Variants in TNC observed in about 807,000 individuals in gnomAD.
TNC encodes the protein tenascin.
TNC carries 109 observed loss-of-function variants against 202.4 expected under a neutral mutation model. The ratio of observed to expected loss-of-function variants is 0.54; its 90% CI spans 0.46 to 0.63. The LOEUF is 0.63. TNC is among the 30% of genes least tolerant of loss of function. TNC has a pLI of 0.00. For missense variants in TNC, 2,756 were observed against 2,833.3 expected, an observed-to-expected ratio of 0.97 and a Z score of 0.62; for synonymous variants, 1,007 against 1,089.7, an observed-to-expected ratio of 0.92 and a Z score of 1.50.
intron 13 of TNC, 31 bp downstream of exon 13, chr9:115,062,886 A>G (rs1832655732): frequency 6.3e-7 from 1 of 1,595,948 alleles, no homozygotes; most frequent in African/African-American, 1.3e-5. Context: ...GGCTCCTATC[A>G]TGTCTCCAGT....
In TNC at chr9:115,086,271, C is replaced by T. The variant is rs766459624; in HGVS notation, c.1460G>A (p.Cys487Tyr). The change falls in exon 3 of 28, where the codon TGT becomes TAT. Residue 487 changes from cysteine to tyrosine, a missense_variant. Cys to Tyr is a radical substitution (Grantham distance 194). This residue lies in a region of TNC where 2,559 missense variants were observed against 2,546.0 expected (regional missense o/e 1.01). Coordinates refer to ENST00000350763, the MANE Select transcript of TNC (RefSeq NM_002160.4). Reference sequence around the variant, plus strand: ...GTCTTCCCCTGTGTAGCCGTCATCACAAACACACATGCCATTCACACAGCG... The same window carrying T: ...GTCTTCCCCTGTGTAGCCGTCATCATAAACACACATGCCATTCACACAGCG... ...HGRCVNGMCV[C>Y]DDGYTGEDCR... The T allele has an allele frequency of 1.2e-6, 2 of 1,614,228 alleles. No homozygotes were observed.
chr9:115,048,589 T>G, intron 15 of TNC, 57 bp from the exon 16 acceptor site: 1 of 1,522,960 alleles, frequency 6.6e-7, no homozygotes, highest in Non-Finnish European at 8.8e-7. Context: ...TCTGTCAGGA[T>G]AGCACACGTT....
Position 115,063,130 on chromosome 9 carries a change from G to T in TNC, c.3820C>A (p.Leu1274Met). Residue 1274 changes from leucine (L) to methionine (M), a missense_variant, in exon 13 of 28, where the codon CTG (leucine) becomes ATG (methionine). Leu to Met is a conservative substitution (Grantham distance 15). Transcript: ENST00000350763. The part of the protein sequence containing the change: ...VTEVSWDALR[L>M]NWTTPDGTYD... ...GTTCCATCTGGCGTGGTCCAGTTCA[G>T]TCTGAGAGCATCCCAGCTAACCTCG... 1.2e-6 allele frequency: 2 copies of T among 1,614,198 alleles called. No homozygotes were observed.
intron 10 of TNC, among the ~76,000 whole-genome samples, chr9:115,067,295 T>A (rs1435108017): frequency 6.6e-6 from 1 of 152,180 alleles, no homozygotes; most frequent in Non-Finnish European, 1.5e-5. Flanking sequence ...TAAGTGAAAA[T>A]TAAATCAACC....
chr9:115,057,080 G>A, intron 15 of TNC, 73 bp downstream of exon 15: 2 of 1,515,080 alleles, frequency 1.3e-6, no homozygotes, highest in East Asian at 2.3e-5. Flanking sequence ...AATGGGAGAG[G>A]AGAAGGAGAG....
At position 115,023,898 on chromosome 9, in the gene TNC, A is replaced by G. The variant is rs1215829343; in HGVS notation, c.6495+75T>C. 2.7e-6 allele frequency: 4 copies of G among 1,496,252 alleles called. No homozygotes were observed. The African/African-American group carries it at 5.5e-5, about 21-fold the overall frequency. The allele number at this position is 1,496,252 out of a possible 1,614,324, so 92.7% of individuals were successfully genotyped here. On this transcript the variant is annotated intron_variant, in intron 27 of 27. Transcript: ENST00000350763. ...CCTCCTAGTCTCTGCTAGGATAGGG[A>G]GTTAAATTGTACTTCCATTAGCCCC...
chr9:115,060,024 T>G (rs773368548), intron 13 of TNC, 22 bp from the exon 14 acceptor site: 1 of 1,592,978 alleles, frequency 6.3e-7, no homozygotes, highest in South Asian at 1.1e-5. Flanking sequence ...CAGAAAAGTA[T>G]TTGTCAGTTC....
Position 115,074,443 on chromosome 9 carries a change from C to T in TNC, c.2951-577G>A, listed in dbSNP as rs564814385. On this transcript the variant is annotated intron_variant, in intron 9 of 27. Coordinates refer to ENST00000350763, the MANE Select transcript of TNC (RefSeq NM_002160.4). ...AGCCAGAAAGCAGGCCTTCATCAGA[C>T]ACCAAATCTGCTGGCATCTTGATCT... Among the ~76,000 whole-genome samples the T allele has an allele frequency of 4.1e-4, 62 of 152,346 alleles. 1 individual carries two copies. Among genetic ancestry groups the T allele is most frequent in the Non-Finnish European group, 6.0e-4 (41 of 68,034 alleles).
Position 115,027,847 on chromosome 9 carries a change from G to A in TNC, c.6170-1152C>T, listed in dbSNP as rs115516988. Among the ~76,000 whole-genome samples the A allele has an allele frequency of 2.3e-3, 357 of 152,180 alleles. 2 individuals are homozygous for A. The highest frequency in any genetic ancestry group is 8.2e-3 in the African/African-American group (342 of 41,504). On this transcript the variant is annotated intron_variant, in intron 25 of 27. Coordinates refer to ENST00000350763, the MANE Select transcript of TNC (RefSeq NM_002160.4). ...CTGTTCATTGGTTAGACTCCTATGG[G>A]CAAACCACTCAGTCTTTTTGAGGCT...
At chr9:115,111,555 C>T (rs1837068273) in intron 1 of TNC, among the ~76,000 whole-genome samples, 1 of 151,610 alleles carries the variant, frequency 6.6e-6, no homozygotes, top group Non-Finnish European at 1.5e-5. Context: ...ATTACAGGTG[C>T]CCACCACCAT....
At chr9:115,055,817 A>T (rs1018004078) in intron 15 of TNC, 1 of 152,480 alleles carries the variant, frequency 6.6e-6, no homozygotes, top group Non-Finnish European at 1.5e-5. Flanking sequence ...TCAAAATCAA[A>T]ACACATAAGA....
At chr9:115,068,532 C>T (rs1408455393) in intron 10 of TNC, among the ~76,000 whole-genome samples, 3 of 152,178 alleles carry the variant, frequency 2.0e-5, no homozygotes, top group South Asian at 2.1e-4. Flanking sequence ...TATCTTCAGT[C>T]GCTTTACTCT....
At chr9:115,028,292 T>C (rs944171591) in intron 25 of TNC, among the ~76,000 whole-genome samples, 1 of 152,200 alleles carries the variant, frequency 6.6e-6, no homozygotes, top group East Asian at 1.9e-4. Flanking sequence ...TTCAAACCTA[T>C]ACTGTTGTTA....
intron 10 of TNC, among the ~76,000 whole-genome samples, chr9:115,065,615 C>G (rs2132702041): frequency 6.6e-6 from 1 of 152,194 alleles, no homozygotes; most frequent in South Asian, 2.1e-4. Flanking sequence ...GTCCGACCTT[C>G]TGTATTTTGA....
chr9:115,109,089 A>G (rs955107168), intron 1 of TNC, among the ~76,000 whole-genome samples: 1 of 152,234 alleles, frequency 6.6e-6, no homozygotes, highest in Non-Finnish European at 1.5e-5. Context: ...ACAGAAGAGT[A>G]CCAAGTGTTT....
At chr9:115,085,504 C>A (rs905482166) in intron 3 of TNC, among the ~76,000 whole-genome samples, 9 of 151,990 alleles carry the variant, frequency 5.9e-5, no homozygotes, top group Non-Finnish European at 1.3e-4. Context: ...AGAGAGTATC[C>A]CTTTATCTAC....
intron 17 of TNC, 127 bp from the exon 18 acceptor site, chr9:115,042,468 G>C: frequency 2.3e-6 from 3 of 1,283,700 alleles, no homozygotes; most frequent in East Asian, 4.8e-5. Flanking sequence ...AAGCCTTTAG[G>C]ATGGAGAATG....
chr9:115,031,660 G>A lies in TNC; in HGVS notation c.5813C>T (p.Thr1938Ile). The change falls in exon 23 of 28, where the codon ACC (threonine) becomes ATC (isoleucine). Residue 1938 changes from threonine to isoleucine, a missense_variant. Coordinates refer to ENST00000350763, the MANE Select transcript of TNC (RefSeq NM_002160.4). ...GCTCAGGTCTGCCAGGCTGTAGGAGGTGGTATCTGGACCCACAATGACTTC... is the reference window on the plus strand; with the variant it reads ...GCTCAGGTCTGCCAGGCTGTAGGAGATGGTATCTGGACCCACAATGACTTC... ...VKEVIVGPDTTSYSLADLSPS... is the reference protein window; with the variant it reads ...VKEVIVGPDTISYSLADLSPS... 6.2e-7 allele frequency: 1 copy of A among 1,611,142 alleles called. No homozygotes were observed. The highest frequency in any genetic ancestry group is 8.5e-7 in the Non-Finnish European group (1 of 1,178,764).
At position 115,086,682 on chromosome 9, in the gene TNC, C is replaced by G. The variant is rs1489858150; in HGVS notation, c.1049G>C (p.Cys350Ser). 1.2e-6 allele frequency: 2 copies of G among 1,614,168 alleles called. No homozygotes were observed. Among genetic ancestry groups the G allele is most frequent in the Non-Finnish European group, 1.7e-6 (2 of 1,180,054 alleles). ...DCGKPTCPHA[C>S]HTQGRCEEGQ... ...CTCCTCACACCGGCCCTGGGTGTGG[C>G]AGGCATGTGGGCAGGTGGGTTTCCC... The change falls in exon 3 of 28, where the codon TGC becomes TCC. Residue 350 changes from cysteine (C) to serine (S), a missense_variant. Transcript: ENST00000350763.
Sources: allele counts gnomAD v4.1 joint callset (sites outside exome capture counted in the v4.1 genomes callset), GRCh38; gene constraint gnomAD v4.1.1; regional missense constraint gnomAD v4.1.1; transcripts MANE v1.5; gene names NCBI Gene and HGNC (gene_info 2026-07-23, HGNC 2026-07-21).